The following PTPRD variants were observed in gnomAD, a reference collection of about 807,000 sequenced individuals.
PTPRD encodes receptor-type tyrosine-protein phosphatase delta.
PTPRD carries 34 observed loss-of-function variants against 214.5 expected under a neutral mutation model. The observed-to-expected ratio is 0.16, with a 90% CI of 0.12 to 0.21. The LOEUF is 0.21. Ranked by LOEUF, PTPRD falls within the 10% of genes least tolerant of loss-of-function variation. The pLI, the probability that PTPRD is intolerant of heterozygous loss-of-function variation, is 1.00. For synonymous variants in PTPRD, 1,128 were observed against 845.7 expected (o/e 1.33, Z -5.79); for missense variants, 2,545 against 2,398.7 (o/e 1.06, Z -1.27).
chr9:9,885,451 G>T (rs2070490265), intron 5 of PTPRD, among the ~76,000 whole-genome samples: 1 of 152,050 alleles, frequency 6.6e-6, no homozygotes, highest in Admixed American at 6.6e-5. Flanking sequence ...AGGCTTCTAA[G>T]GATCTGAGGA....
intron 5 of PTPRD, among the ~76,000 whole-genome samples, chr9:9,859,092 G>T (rs958912479): frequency 2.6e-5 from 4 of 152,112 alleles, no homozygotes; most frequent in Admixed American, 2.0e-4. Flanking sequence ...AAGGGCTGAT[G>T]ATTTTAAAGT....
At chr9:10,277,244 C>T (rs988921216) in intron 3 of PTPRD, among the ~76,000 whole-genome samples, 9 of 142,338 alleles carry the variant, frequency 6.3e-5, no homozygotes, top group African/African-American at 2.3e-4. Flanking sequence ...AAAACATAAA[C>T]ATAAAAAAAA....
At chr9:9,171,425 G>A (rs1366994155) in intron 10 of PTPRD, among the ~76,000 whole-genome samples, 1 of 151,064 alleles carries the variant, frequency 6.6e-6, no homozygotes, top group Non-Finnish European at 1.5e-5. Context: ...TGGTTTCACA[G>A]GGAAATAGGA....
intron 14 of PTPRD, among the ~76,000 whole-genome samples, chr9:8,559,308 A>T (rs977088998): frequency 6.6e-6 from 1 of 152,220 alleles, no homozygotes; most frequent in Non-Finnish European, 1.5e-5. Flanking sequence ...TAAATATCCC[A>T]GTTATCCTAA....
chr9:9,767,224 T>C (rs150490393), intron 5 of PTPRD, among the ~76,000 whole-genome samples: 5 of 152,080 alleles, frequency 3.3e-5, no homozygotes, highest in African/African-American at 1.2e-4. Context: ...TAGATTTAAA[T>C]CAGAAAGATG....
chr9:9,977,298 A>C (rs1304935940), intron 4 of PTPRD, among the ~76,000 whole-genome samples: 2 of 152,202 alleles, frequency 1.3e-5, no homozygotes, highest in African/African-American at 4.8e-5. Flanking sequence ...AAAAAGAGAA[A>C]GTAAAACAGT....
Position 10,472,342 on chromosome 9 carries a change from T to C in PTPRD, c.-599-131325A>G, listed in dbSNP as rs527533067. On this transcript the variant is annotated intron_variant, in intron 2 of 45. Coordinates refer to ENST00000381196, the MANE Select transcript of PTPRD (RefSeq NM_002839.4). ...ACACCTTGAAATTAAATGTTTGTAC[T>C]ATTCAATATTTGTTAAGTTTCACAT... 9.2e-5 allele frequency among the ~76,000 whole-genome samples: 14 copies of C among 152,304 alleles called. No individual in the cohort carries two copies. In the East Asian group the frequency reaches 2.3e-3, roughly 25 times the overall value.
intron 10 of PTPRD, among the ~76,000 whole-genome samples, chr9:9,136,604 T>A (rs538633990): frequency 1.3e-5 from 2 of 152,310 alleles, no homozygotes; most frequent in South Asian, 4.1e-4. Context: ...CAAAAATTAA[T>A]TCTCTTTTAG....
chr9:9,524,872 TGTTG>T (rs1282905708), intron 8 of PTPRD, among the ~76,000 whole-genome samples: 1 of 151,010 alleles, frequency 6.6e-6, no homozygotes, highest in Non-Finnish European at 1.5e-5. Context: ...TTTGTTTGTT[TGTTG>T]AGACGGAGTC....
intron 9 of PTPRD, among the ~76,000 whole-genome samples, chr9:9,259,809 G>A (rs1301198080): frequency 6.6e-6 from 1 of 151,876 alleles, no homozygotes; most frequent in African/African-American, 2.4e-5. Context: ...ATGGTCTTCT[G>A]AAGGAAGGAT....
At chr9:9,967,764 T>C (rs1449577874) in intron 4 of PTPRD, among the ~76,000 whole-genome samples, 1 of 152,174 alleles carries the variant, frequency 6.6e-6, no homozygotes, top group Non-Finnish European at 1.5e-5. Flanking sequence ...ACTATTGATA[T>C]AGACATTGAA....
intron 9 of PTPRD, among the ~76,000 whole-genome samples, chr9:9,328,458 T>C (rs1176554988): frequency 6.6e-6 from 1 of 152,010 alleles, no homozygotes; most frequent in Non-Finnish European, 1.5e-5. Context: ...TATATTTCTT[T>C]AAACTCAATT....
chr9:8,870,126 TA>T (rs5896269), intron 11 of PTPRD, among the ~76,000 whole-genome samples: 30,277 of 137,380 alleles, frequency 0.22, 3,065 homozygotes, highest in East Asian at 0.39. Context: ...TTCCATCAGT[TA>T]AAAAAAAAAA....
intron 17 of PTPRD, 144 bp downstream of exon 17, chr9:8,526,483 G>C (rs1194325055): frequency 1.6e-5 from 8 of 504,532 alleles, no homozygotes; most frequent in African/African-American, 1.2e-4. Context: ...GAGAGTCACT[G>C]ATCATAACCA....
intron 8 of PTPRD, among the ~76,000 whole-genome samples, chr9:9,495,343 A>C (rs1253684616): frequency 1.3e-5 from 2 of 151,498 alleles, no homozygotes; most frequent in African/African-American, 2.4e-5. Flanking sequence ...CAACAACAAC[A>C]ACAAAAACCC....
intron 29 of PTPRD, 104 bp downstream of exon 29, chr9:8,485,123 G>T (rs958167647): frequency 2.3e-6 from 2 of 867,904 alleles, no homozygotes; most frequent in African/African-American, 3.4e-5. Context: ...GCAAGGACAC[G>T]TGGCCAAAAC....
intron 7 of PTPRD, among the ~76,000 whole-genome samples, chr9:9,729,342 A>G (rs1564818795): frequency 6.6e-6 from 1 of 152,112 alleles, no homozygotes; most frequent in Non-Finnish European, 1.5e-5. Flanking sequence ...TCCTTTGCAG[A>G]GGAAGAGAAA....
chr9:8,362,937 A>T (rs141917400), intron 39 of PTPRD, among the ~76,000 whole-genome samples: 191 of 152,318 alleles, frequency 1.3e-3, no homozygotes, highest in African/African-American at 4.4e-3. Flanking sequence ...TGTTTTTATT[A>T]AGACACACTT....
At chr9:10,306,714 G>A (rs1199352533) in intron 3 of PTPRD, among the ~76,000 whole-genome samples, 1 of 152,006 alleles carries the variant, frequency 6.6e-6, no homozygotes, top group Non-Finnish European at 1.5e-5. Context: ...ATTCTATGTT[G>A]TCTTGAATTC....
Sources: allele counts gnomAD v4.1 joint callset (sites outside exome capture counted in the v4.1 genomes callset), GRCh38; gene constraint gnomAD v4.1.1; transcripts MANE v1.5; gene names NCBI Gene and HGNC (gene_info 2026-07-23, HGNC 2026-07-21).